Variants in ZNF407 observed in about 807,000 individuals in gnomAD.
The protein encoded by ZNF407 is zinc finger protein 407.
ZNF407 carries 17 observed loss-of-function variants against 131.2 expected under a neutral mutation model. That is an observed-to-expected ratio of 0.13 (90% CI 0.09 to 0.19). The LOEUF (loss-of-function observed/expected upper bound fraction) is 0.19. ZNF407 is among the 10% of genes least tolerant of loss of function. The pLI is 1.00. For missense variants in ZNF407, 2,681 were observed against 2,830.6 expected (o/e 0.95, Z 1.20); for synonymous variants, 1,156 against 1,062.0 (o/e 1.09, Z -1.72).
intron 3 of ZNF407, among the ~76,000 whole-genome samples, chr18:74,698,350 T>C (rs966010199): frequency 6.6e-6 from 1 of 152,246 alleles, no homozygotes; most frequent in Admixed American, 6.5e-5. Context: ...TCTAGACTTA[T>C]AACCAGCATA....
chr18:74,895,356 G>C (rs774043542), intron 7 of ZNF407, among the ~76,000 whole-genome samples: 1 of 151,726 alleles, frequency 6.6e-6, no homozygotes, highest in Non-Finnish European at 1.5e-5. Context: ...TAAACATTTT[G>C]TTGAGTATTT....
chr18:74,993,605 A>G (rs993295672), intron 8 of ZNF407, among the ~76,000 whole-genome samples: 1 of 152,372 alleles, frequency 6.6e-6, no homozygotes, highest in South Asian at 2.1e-4. Flanking sequence ...TTAGAAGTGT[A>G]TCCAATTAAC....
intron 3 of ZNF407, among the ~76,000 whole-genome samples, chr18:74,769,780 T>C (rs1469198603): frequency 3.3e-5 from 5 of 152,256 alleles, no homozygotes; most frequent in Non-Finnish European, 7.3e-5. Flanking sequence ...ACTTCTACTA[T>C]CTGTGTCTCA....
At chr18:74,974,466 CT>C (rs894620364) in intron 8 of ZNF407, among the ~76,000 whole-genome samples, 36 of 152,264 alleles carry the variant, frequency 2.4e-4, no homozygotes, top group East Asian at 5.8e-4. Context: ...TGACATCTCA[CT>C]TTTTCCCCCC....
intron 3 of ZNF407, among the ~76,000 whole-genome samples, chr18:74,670,701 A>G (rs1046856998): frequency 1.3e-4 from 20 of 152,220 alleles, no homozygotes; most frequent in Admixed American, 1.1e-3. Context: ...TTTTTGAGAC[A>G]GAATCTGTGT....
intron 3 of ZNF407, among the ~76,000 whole-genome samples, chr18:74,661,217 C>T (rs1000703145): frequency 3.9e-5 from 6 of 151,948 alleles, no homozygotes; most frequent in Admixed American, 3.9e-4. Flanking sequence ...AATCAATGTG[C>T]TGTGTAGCCT....
intron 3 of ZNF407, among the ~76,000 whole-genome samples, chr18:74,755,581 GGTT>G (rs1968917088): frequency 3.2e-5 from 1 of 31,038 alleles, no homozygotes; most frequent in African/African-American, 6.5e-5. Context: ...CCTCCTTTCT[GGTT>G]TTTTTTTTTT....
intron 8 of ZNF407, among the ~76,000 whole-genome samples, chr18:74,951,593 C>T (rs1972214961): frequency 6.6e-6 from 1 of 152,190 alleles, no homozygotes; most frequent in Non-Finnish European, 1.5e-5. Context: ...GATTGCTTAA[C>T]TACCAGAAAA....
intron 8 of ZNF407, among the ~76,000 whole-genome samples, chr18:75,000,272 A>G (rs1487013352): frequency 6.6e-6 from 1 of 152,262 alleles, no homozygotes; most frequent in African/African-American, 2.4e-5. Flanking sequence ...TTATCTATTC[A>G]AGACAGATTA....
At chr18:74,762,489 G>A (rs374313572) in intron 3 of ZNF407, among the ~76,000 whole-genome samples, 5 of 151,970 alleles carry the variant, frequency 3.3e-5, no homozygotes, top group African/African-American at 9.7e-5. Flanking sequence ...AGACATATGT[G>A]TATGTATTCT....
intron 4 of ZNF407, among the ~76,000 whole-genome samples, chr18:74,812,474 A>G (rs1970210790): frequency 6.6e-6 from 1 of 152,146 alleles, no homozygotes; most frequent in Admixed American, 6.5e-5. Context: ...ATTCCTTTGA[A>G]GGTAACATCT....
chr18:74,699,141 T>C (rs1016964918), intron 3 of ZNF407, among the ~76,000 whole-genome samples: 1 of 152,188 alleles, frequency 6.6e-6, no homozygotes, highest in African/African-American at 2.4e-5. Flanking sequence ...ACTGCTCACA[T>C]TTCAAATATC....
intron 8 of ZNF407, among the ~76,000 whole-genome samples, chr18:74,959,728 G>T (rs1458931394): frequency 1.3e-5 from 2 of 152,134 alleles, no homozygotes; most frequent in African/African-American, 4.8e-5. Context: ...CTGGATTTAA[G>T]CACAAATCTG....
intron 8 of ZNF407, among the ~76,000 whole-genome samples, chr18:74,932,047 T>A (rs1048383699): frequency 1.3e-5 from 2 of 152,210 alleles, no homozygotes; most frequent in Non-Finnish European, 2.9e-5. Context: ...AGGTCCAGTT[T>A]ATTAGTTTTT....
chr18:74,734,671 TTG>T (rs200073035), intron 3 of ZNF407, among the ~76,000 whole-genome samples: 6,261 of 138,522 alleles, frequency 0.045, 121 homozygotes, highest in East Asian at 0.068. Flanking sequence ...GAGTTTCAAT[TTG>T]TGTGTGTGTG....
chr18:74,894,819 G>A (rs1971431613), intron 7 of ZNF407, among the ~76,000 whole-genome samples: 1 of 152,130 alleles, frequency 6.6e-6, no homozygotes, highest in Admixed American at 6.5e-5. Flanking sequence ...GACTCTGACA[G>A]TTTTATCATC....
chr18:74,627,778 TTCTCTCTCTCTC>T (rs35067719), intron 1 of ZNF407, among the ~76,000 whole-genome samples: 1 of 132,586 alleles, frequency 7.5e-6, no homozygotes, highest in African/African-American at 3.3e-5. Flanking sequence ...TTTTCTCTCT[TTCTCTCTCTCTC>T]TCTCTTTCTC....
At chr18:74,761,889 A>ATC (rs1268138784) in intron 3 of ZNF407, among the ~76,000 whole-genome samples, 1 of 152,306 alleles carries the variant, frequency 6.6e-6, no homozygotes, top group African/African-American at 2.4e-5. Context: ...GTTTTCATGT[A>ATC]TCTGTCTGTA....
chr18:74,959,181 TCTTAC>T (rs1258608232), intron 8 of ZNF407, among the ~76,000 whole-genome samples: 1 of 152,248 alleles, frequency 6.6e-6, no homozygotes, highest in African/African-American at 2.4e-5. Flanking sequence ...TATTTGTGTT[TCTTAC>T]CTTGTCCTCC....
Sources: allele counts gnomAD v4.1 joint callset (sites outside exome capture counted in the v4.1 genomes callset), GRCh38; gene constraint gnomAD v4.1.1; transcripts MANE v1.5; gene names NCBI Gene and HGNC (gene_info 2026-07-23, HGNC 2026-07-21).